The following SMTN variants were observed in gnomAD, a reference collection of about 807,000 sequenced individuals.
The protein encoded by SMTN is smoothelin.
In SMTN, 58 loss-of-function variants were observed where a neutral mutation model predicts 102.0. The ratio of observed to expected loss-of-function variants is 0.57; its 90% CI spans 0.46 to 0.71. SMTN has a LOEUF of 0.71. Ranked by LOEUF, SMTN falls within the 30% of genes least tolerant of loss-of-function variation. The pLI, the probability that SMTN is intolerant of heterozygous loss-of-function variation, is 0.00. For missense variants in SMTN, 1,185 were observed against 1,241.7 expected (o/e 0.95, Z 0.69); for synonymous variants, 478 against 497.9 (o/e 0.96, Z 0.53).
intron 1 of SMTN, among the ~76,000 whole-genome samples, chr22:31,075,019 G>A (rs1368057455): frequency 6.6e-6 from 1 of 152,166 alleles, no homozygotes; most frequent in Non-Finnish European, 1.5e-5. Context: ...GAAAACAAGA[G>A]CCTCAGGCAG....
chr22:31,099,007 C>T, intron 17 of SMTN, 55 bp from the exon 18 acceptor site: 1 of 1,558,128 alleles, frequency 6.4e-7, no homozygotes, highest in Non-Finnish European at 8.8e-7. Flanking sequence ...TGGGTGGGCC[C>T]ACCGAGGCAT....
intron 1 of SMTN, chr22:31,082,736 C>A: frequency 1.2e-6 from 1 of 835,886 alleles, no homozygotes; most frequent in Non-Finnish European, 1.9e-6. Context: ...CGGGTTCAGC[C>A]CACAGCCAGA....
At chr22:31,073,502 C>T (rs182717875) in intron 1 of SMTN, among the ~76,000 whole-genome samples, 1 of 152,138 alleles carries the variant, frequency 6.6e-6, no homozygotes, top group Admixed American at 6.5e-5. Flanking sequence ...TTTCCACATG[C>T]AGAGGATTCA....
In SMTN at chr22:31,095,194, T is replaced by A. The variant is rs946888681; in HGVS notation, c.1633-109T>A. On this transcript the variant is annotated intron_variant, in intron 11 of 20. Coordinates refer to ENST00000333137, the MANE Select transcript of SMTN (RefSeq NM_134269.3). The surrounding 1 kb of genome is among the most constrained non-coding windows in gnomAD (Gnocchi z 4.1). Reference sequence around the variant, plus strand: ...AGGCAGGCTGGCAGGCTAGTGGTTATTTCCAAGGCGTGCCAGCAACCCTAG... The same window carrying A: ...AGGCAGGCTGGCAGGCTAGTGGTTAATTCCAAGGCGTGCCAGCAACCCTAG... 2.1e-5 allele frequency: 25 copies of A among 1,181,456 alleles called. No homozygotes were observed. Among genetic ancestry groups the A allele is most frequent in the Non-Finnish European group, 2.9e-5 (24 of 835,344 alleles). The allele number at this position is 1,181,456 out of a possible 1,614,324, so 73.2% of individuals were successfully genotyped here.
At chr22:31,083,963 C>T (rs1045391182) in intron 2 of SMTN, among the ~76,000 whole-genome samples, 2 of 152,208 alleles carry the variant, frequency 1.3e-5, no homozygotes, top group African/African-American at 4.8e-5. Context: ...CATTTTTCTA[C>T]TCTTGAGTCT....
rs375765243 is a variant in SMTN at position 31,104,397 on chromosome 22, C to T, written c.*102C>T. The T allele has an allele frequency of 4.7e-5, 76 of 1,614,050 alleles. No individual in the cohort carries two copies. The highest frequency in any genetic ancestry group is 6.1e-5 in the Non-Finnish European group (72 of 1,180,034). Reference sequence around the variant, plus strand: ...AGAAGCCTGACCCCAAGTGTGTCTTCACCTATGTGCAGTCGCTCTACAACC... The same window carrying T: ...AGAAGCCTGACCCCAAGTGTGTCTTTACCTATGTGCAGTCGCTCTACAACC... On this transcript the variant is annotated 3_prime_UTR_variant, in exon 21 of 21. Transcript: ENST00000333137.
rs1733869990 is a variant in SMTN, at chr22:31,095,040, C to T, written c.1633-263C>T. 2.6e-5 allele frequency among the ~76,000 whole-genome samples: 4 copies of T among 152,142 alleles called. No homozygotes were observed. In the South Asian group the frequency reaches 6.2e-4, roughly 24 times the overall value. On this transcript the variant is annotated intron_variant, in intron 11 of 20. Transcript: ENST00000333137. The surrounding 1 kb of genome is among the most constrained non-coding windows in gnomAD (Gnocchi z 4.1). ...GTCCCTAGTGTTTATACAACACTTA[C>T]TATGGACTGGAAATCATCATTATTA... is the stretch of plus-strand genomic sequence containing the variant.
At chr22:31,101,392 C>T in intron 20 of SMTN, 1 of 236,238 alleles carries the variant, frequency 4.2e-6, no homozygotes, top group Non-Finnish European at 8.4e-6. Context: ...GCAGAGGAAT[C>T]AGCCTAGGCT....
At chr22:31,080,103 C>G (rs2042234363), upstream of SMTN, among the ~76,000 whole-genome samples, 1 of 152,136 alleles carries the variant, frequency 6.6e-6, no homozygotes, top group African/African-American at 2.4e-5. Context: ...GACCACTTCT[C>G]AGGGGTGTGG....
upstream of SMTN, among the ~76,000 whole-genome samples, chr22:31,079,038 G>C (rs1047551127): frequency 6.6e-6 from 1 of 152,182 alleles, no homozygotes. Flanking sequence ...GCCTTTACTA[G>C]GCCAAGGTGC....
chr22:31,099,525 T>C (rs1201769935), intron 18 of SMTN: 18 of 595,756 alleles, frequency 3.0e-5, no homozygotes, highest in Non-Finnish European at 5.0e-5. Context: ...CTTAGCTGGG[T>C]GGCGCTGGGC....
chr22:31,089,070 GCCCA>G, intron 6 of SMTN, 101 bp downstream of exon 6: 1 of 896,622 alleles, frequency 1.1e-6, no homozygotes, highest in Non-Finnish European at 1.7e-6. Flanking sequence ...ACTGTAAGGG[GCCCA>G]CCCCTGCCAT....
chr22:31,099,496 G>A lies in SMTN; in HGVS notation c.2452-249G>A, dbSNP rs1275926685. 1.2e-5 allele frequency: 7 copies of A among 587,446 alleles called. No homozygotes were observed. In the Admixed American group the frequency reaches 2.2e-4, roughly 18 times the overall value. 36.4% of individuals were successfully genotyped at this position (587,446 alleles called of 1,614,324 possible). On this transcript the variant is annotated intron_variant, in intron 18 of 20. Transcript: ENST00000333137. ...AATTTCTCTAAATGAGGGAAGGAGT[G>A]ATGAGGCATGACCATAGCCTTAGCT...
Position 31,091,970 on chromosome 22 carries a change from C to T in SMTN, c.1632+123C>T, listed in dbSNP as rs2043175594. On this transcript the variant is annotated intron_variant, in intron 11 of 20. Coordinates refer to ENST00000333137, the MANE Select transcript of SMTN (RefSeq NM_134269.3). ...CTGCACACACAGAGAAACCGAGGCC[C>T]AGAGAGGGAAGGTGGCTGCTCACAG... 4.0e-6 allele frequency: 4 copies of T among 991,330 alleles called. No homozygotes were observed. The South Asian group carries it at 7.3e-5, about 18-fold the overall frequency. The allele number at this position is 991,330 out of a possible 1,614,324, so 61.4% of individuals were successfully genotyped here. A position where few individuals can be genotyped will look rare whatever the true frequency, so the allele number is the denominator to read the frequency against.
chr22:31,097,114 C>T lies in SMTN; in HGVS notation c.2089+54C>T, dbSNP rs571051668. 15 of 1,569,958 alleles carry T rather than the reference C, an allele frequency of 9.6e-6. No homozygotes were observed. The African/African-American group carries it at 1.2e-4, about 13-fold the overall frequency. ...TGCCTGCCTGTCCGCCCACCTCCTC[C>T]GGCTCTTCCTTGAGCTCTCTCTCCG... On this transcript the variant is annotated intron_variant, in intron 15 of 20. Coordinates refer to ENST00000333137, the MANE Select transcript of SMTN (RefSeq NM_134269.3).
rs372943784 is a variant in SMTN at position 31,101,039 on chromosome 22, G to C, written c.*10G>C. On this transcript the variant is annotated 3_prime_UTR_variant, in exon 20 of 21. Transcript: ENST00000333137. The stretch of plus-strand genomic sequence containing the variant: ...AACCAAAAAGTCCTAACCCCTGCTC[G>C]GGGCCCCACGGTGAGAAACGCCGCC... The C allele has an allele frequency of 6.3e-6, 10 of 1,598,720 alleles. No homozygotes were observed. Among genetic ancestry groups the C allele is most frequent in the Non-Finnish European group, 8.5e-6 (10 of 1,170,114 alleles).
At chr22:31,082,756 T>TGCGGAGTGGGTGGGGGCTGGGTAG in intron 1 of SMTN, 1 of 1,035,670 alleles carries the variant, frequency 9.7e-7, no homozygotes, top group Non-Finnish European at 1.4e-6. Flanking sequence ...AAGCTGAGCC[T>TGCGGAGTGGGTGGGGGCTGGGTAG]GCGGAGTGGG....
In SMTN at chr22:31,104,312, G is replaced by T. The variant is rs774415519; in HGVS notation, c.*21-4G>T. On this transcript the variant is annotated splice_polypyrimidine_tract_variant and splice_region_variant and intron_variant, in intron 20 of 20. Coordinates refer to ENST00000333137, the MANE Select transcript of SMTN (RefSeq NM_134269.3). ...ACATCCAACCCCGTGCCCCCTCCCT[G>T]CAGGATGCTGGTGGACTGTGTGCCC... 1.9e-6 allele frequency: 3 copies of T among 1,613,982 alleles called. No individual in the cohort carries two copies. The Admixed American group carries it at 5.0e-5, about 27-fold the overall frequency.
Position 31,095,263 on chromosome 22 carries a change from T to C in SMTN, c.1633-40T>C, listed in dbSNP as rs185565490. ...TTGGAGACATGATGAGTTTCACCCA[T>C]ACCCCTGCTTAAAGTCCATGCCCTC... On this transcript the variant is annotated intron_variant, in intron 11 of 20. Coordinates refer to ENST00000333137, the MANE Select transcript of SMTN (RefSeq NM_134269.3). The surrounding 1 kb of genome is among the most constrained non-coding windows in gnomAD (Gnocchi z 4.1). The C allele has an allele frequency of 3.9e-5, 62 of 1,606,506 alleles. No homozygotes were observed. In the African/African-American group the frequency reaches 7.2e-4, roughly 19 times the overall value.
Sources: gnomAD v4.1 joint callset for allele counts (sites outside exome capture counted in the v4.1 genomes callset) on GRCh38, gnomAD v4.1.1 for gene constraint, Gnocchi (gnomAD v3.1) non-coding constraint, MANE v1.5 for transcripts, NCBI Gene and HGNC (gene_info 2026-07-23, HGNC 2026-07-21) for gene names.